Variants in GAK observed in about 807,000 individuals in gnomAD.
GAK encodes cyclin G associated kinase, also known as cyclin-G-associated kinase.
A neutral mutation model predicts 143.9 loss-of-function variants in GAK; 79 were observed. The ratio of observed to expected loss-of-function variants is 0.55; its 90% CI spans 0.46 to 0.66. The LOEUF (loss-of-function observed/expected upper bound fraction) is 0.66. Among genes scored for constraint, GAK ranks in the 30% least tolerant of loss-of-function variants. The pLI, the probability that GAK is intolerant of heterozygous loss-of-function variation, is 0.00. For missense variants in GAK, 1,693 were observed against 1,779.7 expected, an observed-to-expected ratio of 0.95 and a Z score of 0.88; for synonymous variants, 881 against 765.5, an observed-to-expected ratio of 1.15 and a Z score of -2.49.
chr4:924,381 G>A (rs1003291331), intron 1 of GAK, among the ~76,000 whole-genome samples: 6 of 152,088 alleles, frequency 3.9e-5, no homozygotes, highest in African/African-American at 1.4e-4. Flanking sequence ...ACCGTGGAAG[G>A]AGGTTTGGTT....
intron 6 of GAK, 81 bp downstream of exon 6, chr4:897,952 G>A (rs1383470596): frequency 2.0e-5 from 29 of 1,453,686 alleles, no homozygotes; most frequent in African/African-American, 7.1e-5. Context: ...AAAGCACCCC[G>A]GCGGAAAACA....
chr4:893,864 C>A lies in GAK; in HGVS notation c.877+10G>T. On this transcript the variant is annotated intron_variant, in intron 8 of 27. Coordinates refer to ENST00000314167, the MANE Select transcript of GAK (RefSeq NM_005255.4). Reference sequence around the variant, plus strand: ...GTCCTGCCCCACGCACGCATTCCACCGGGACTTACGGATGAGGCTGTGGAA... The same window carrying A: ...GTCCTGCCCCACGCACGCATTCCACAGGGACTTACGGATGAGGCTGTGGAA... The A allele has an allele frequency of 1.3e-6, 2 of 1,573,866 alleles. No individual in the cohort carries two copies. The highest frequency in any genetic ancestry group is 8.6e-7 in the Non-Finnish European group (1 of 1,156,860).
chr4:920,240 G>A (rs1004159612), intron 1 of GAK, among the ~76,000 whole-genome samples: 9 of 151,318 alleles, frequency 5.9e-5, no homozygotes, highest in African/African-American at 1.7e-4. Flanking sequence ...CCCGGGAGGC[G>A]GAGGTTGCAG....
At chr4:919,277 T>C (rs199659245) in intron 1 of GAK, among the ~76,000 whole-genome samples, 10,526 of 54,376 alleles carry the variant, frequency 0.19, no homozygotes, top group South Asian at 0.32. Context: ...AAGGCCTCAG[T>C]GCCGCATGAC....
rs1245670725 is a variant in GAK, at chr4:931,766, C to T, written c.145+277G>A. On this transcript the variant is annotated intron_variant, in intron 1 of 27. Coordinates refer to ENST00000314167, the MANE Select transcript of GAK (RefSeq NM_005255.4). ...AGCCCCAGGCCTTGCTCCGACTTGA[C>T]CCTACTCTTATGACAAGAAAGTACC... Among the ~76,000 whole-genome samples, 5 of 152,056 alleles carry T rather than the reference C, an allele frequency of 3.3e-5. No homozygotes were observed. The East Asian group carries it at 9.7e-4, about 29-fold the overall frequency.
chr4:867,024 A>T lies in GAK; in HGVS notation c.2804T>A (p.Leu935Gln), dbSNP rs1751316561. The T allele has an allele frequency of 6.7e-7, 1 of 1,502,298 alleles. No homozygotes were observed. Among genetic ancestry groups the T allele is most frequent in the Non-Finnish European group, 8.9e-7 (1 of 1,126,262 alleles). 93.1% of individuals were successfully genotyped at this position (1,502,298 alleles called of 1,614,324 possible). ...PPEDLLSEDP[L>Q]LLASPAPPLS... is the part of the protein sequence containing the mutation. Reference sequence around the variant, plus strand: ...GGGAGGGGCCGGGCTTGCCAGGAGCAGCGGGTCCTCGCTGAGCAGATCCTC... The same window carrying T: ...GGGAGGGGCCGGGCTTGCCAGGAGCTGCGGGTCCTCGCTGAGCAGATCCTC... Residue 935 changes from leucine (L) to glutamine (Q), a missense_variant, in exon 21 of 28, where the codon CTG (leucine) becomes CAG (glutamine). Physicochemically the swap from Leu to Gln is moderately radical, Grantham distance 113. Around this residue, in one of 2 missense-constraint regions of GAK, gnomAD observed 822 missense variants for 788.7 expected, o/e 1.04. Transcript: ENST00000314167.
rs566952317 is a variant in GAK at position 850,129 on chromosome 4, G to A, written c.3658-61C>T. 8.2e-5 allele frequency: 119 copies of A among 1,458,364 alleles called. 1 individual carries two copies. Among genetic ancestry groups the A allele is most frequent in the African/African-American group, 1.8e-4 (13 of 70,918 alleles). 90.3% of individuals were successfully genotyped at this position (1,458,364 alleles called of 1,614,324 possible). On this transcript the variant is annotated intron_variant, in intron 26 of 27. Transcript: ENST00000314167. ...CCTGCCTGCCCTCCTCCTCTGCACC[G>A]CGGAAACTGAGGCACGACGCTGAGG...
chr4:894,061 C>G (rs367698848), intron 7 of GAK, 52 bp from the exon 8 acceptor site: 1 of 1,475,036 alleles, frequency 6.8e-7, no homozygotes, highest in African/African-American at 1.4e-5. Flanking sequence ...GCAGGGGTGA[C>G]GCCTGGGCCT....
At chr4:922,140 T>C (rs1358383017) in intron 1 of GAK, among the ~76,000 whole-genome samples, 1 of 152,104 alleles carries the variant, frequency 6.6e-6, no homozygotes, top group African/African-American at 2.4e-5. Context: ...AATAAGTTCA[T>C]ACGAGTGGGG....
At chr4:883,928 A>G (rs2152819080) in intron 12 of GAK, 109 bp downstream of exon 12, 1 of 1,110,160 alleles carries the variant, frequency 9.0e-7, no homozygotes, top group South Asian at 1.4e-5. Flanking sequence ...GTCTGTGGCC[A>G]CAGAGAAGGC....
intron 1 of GAK, among the ~76,000 whole-genome samples, chr4:923,318 T>A (rs1724186691): frequency 6.6e-6 from 1 of 151,902 alleles, no homozygotes; most frequent in South Asian, 2.1e-4. Flanking sequence ...GAATGGCATG[T>A]CGGGTACCTC....
At chr4:927,922 G>A (rs1321924068) in intron 1 of GAK, among the ~76,000 whole-genome samples, 2 of 152,220 alleles carry the variant, frequency 1.3e-5, no homozygotes, top group African/African-American at 4.8e-5. Context: ...TAAGAGAACA[G>A]CACAGAGCTG....
intron 5 of GAK, among the ~76,000 whole-genome samples, chr4:900,294 C>T (rs535202398): frequency 7.9e-5 from 12 of 152,354 alleles, no homozygotes; most frequent in Admixed American, 5.9e-4. Context: ...AGTGGGGCCA[C>T]GTGTGCTGCC....
intron 15 of GAK, among the ~76,000 whole-genome samples, chr4:878,227 A>G (rs1441982523): frequency 6.6e-6 from 1 of 152,118 alleles, no homozygotes; most frequent in African/African-American, 2.4e-5. Flanking sequence ...TCTCTCTACT[A>G]AAAATGCAAA....
intron 24 of GAK, among the ~76,000 whole-genome samples, chr4:855,350 G>T (rs77514305): frequency 2.0e-4 from 30 of 152,050 alleles, no homozygotes; most frequent in African/African-American, 5.8e-4. Flanking sequence ...AAAAAAAAAG[G>T]TGATTGTAAA....
intron 15 of GAK, among the ~76,000 whole-genome samples, chr4:880,540 G>A (rs1714887202): frequency 6.6e-6 from 1 of 152,154 alleles, no homozygotes; most frequent in South Asian, 2.1e-4. Context: ...CAGAGACTGT[G>A]CCTTCCAGAG....
chr4:867,651 G>A (rs3733353), intron 20 of GAK, among the ~76,000 whole-genome samples: 24,525 of 150,132 alleles, frequency 0.16, 2,167 homozygotes, highest in Middle Eastern at 0.31. Flanking sequence ...TGGCCCCTCG[G>A]CACCTCCTCG....
chr4:909,491 G>A (rs1038027620), intron 4 of GAK, among the ~76,000 whole-genome samples: 2 of 152,190 alleles, frequency 1.3e-5, no homozygotes, highest in South Asian at 4.1e-4. Flanking sequence ...AGCCCAGCAC[G>A]GACTGCATGG....
intron 23 of GAK, among the ~76,000 whole-genome samples, chr4:861,494 G>A (rs2335172): frequency 0.17 from 26,001 of 152,196 alleles, 2,415 homozygotes; most frequent in South Asian, 0.31. Flanking sequence ...AGGAGGCTGA[G>A]GTGGGAGGAT....
Sources: allele counts gnomAD v4.1 joint callset (sites outside exome capture counted in the v4.1 genomes callset), GRCh38; gene constraint gnomAD v4.1.1; regional missense constraint gnomAD v4.1.1; transcripts MANE v1.5; gene names NCBI Gene and HGNC (gene_info 2026-07-23, HGNC 2026-07-21).